TAF3: variants seen among roughly 807,000 people sequenced by gnomAD.
TAF3 encodes TATA-box binding protein associated factor 3.
Under a neutral mutation model 80.6 loss-of-function variants are expected in TAF3, and 7 were observed. The ratio of observed to expected loss-of-function variants is 0.09; its 90% CI spans 0.05 to 0.16. The LOEUF (loss-of-function observed/expected upper bound fraction) is 0.16, where lower values mean the gene tolerates loss of function less well. Among genes scored for constraint, TAF3 ranks in the 10% least tolerant of loss-of-function variants. The pLI, the probability that TAF3 is intolerant of heterozygous loss-of-function variation, is 1.00. For synonymous variants in TAF3, 444 were observed against 446.1 expected (o/e 1.00, Z 0.06); for missense variants, 921 against 1,140.2 (o/e 0.81, Z 2.77).
In TAF3 at chr10:8,013,856, C is replaced by T. The variant is rs1216145879; in HGVS notation, c.2675+19C>T. The stretch of plus-strand genomic sequence containing the variant: ...ACCACTGGTGAGTGCCCAGGGCGCC[C>T]TGCCGGCCACACTCATTAGGCAGCA... On this transcript the variant is annotated intron_variant, in intron 6 of 6. Transcript: ENST00000344293. 38 of 1,600,670 alleles carry T rather than the reference C, an allele frequency of 2.4e-5. No homozygotes were observed. Among genetic ancestry groups the T allele is most frequent in the Non-Finnish European group, 3.2e-5 (37 of 1,167,866 alleles).
chr10:7,910,353 A>G (rs1837646233), intron 2 of TAF3, among the ~76,000 whole-genome samples: 1 of 152,132 alleles, frequency 6.6e-6, no homozygotes, highest in Non-Finnish European at 1.5e-5. Flanking sequence ...GACTTTTGAA[A>G]TTATTTCTAC....
At chr10:8,008,181 C>G (rs1204462224) in intron 4 of TAF3, among the ~76,000 whole-genome samples, 4 of 148,428 alleles carry the variant, frequency 2.7e-5, no homozygotes. Flanking sequence ...ACTGTAACCT[C>G]TGCCTCCTGG....
At chr10:8,006,317 AGT>A (rs889226389) in intron 4 of TAF3, among the ~76,000 whole-genome samples, 5 of 151,924 alleles carry the variant, frequency 3.3e-5, no homozygotes, top group African/African-American at 7.2e-5. Context: ...CGGAGGTTGC[AGT>A]GAGTCAAGAC....
At chr10:7,945,959 A>G (rs1838020318) in intron 2 of TAF3, among the ~76,000 whole-genome samples, 1 of 152,148 alleles carries the variant, frequency 6.6e-6, no homozygotes, top group Non-Finnish European at 1.5e-5. Flanking sequence ...GCGGACACAG[A>G]TCTTAACAAA....
intron 4 of TAF3, among the ~76,000 whole-genome samples, chr10:7,980,007 C>T (rs1831711093): frequency 6.6e-6 from 1 of 152,072 alleles, no homozygotes; most frequent in Non-Finnish European, 1.5e-5. Flanking sequence ...CAGTGATCCT[C>T]CGTGGTTGTA....
intron 3 of TAF3, among the ~76,000 whole-genome samples, chr10:7,972,987 G>A (rs1831635431): frequency 1.3e-5 from 2 of 152,230 alleles, no homozygotes; most frequent in South Asian, 4.1e-4. Flanking sequence ...ATGTGCGTCA[G>A]AGAGTTAAGG....
At chr10:8,008,409 A>G (rs188037428) in intron 4 of TAF3, among the ~76,000 whole-genome samples, 47 of 152,292 alleles carry the variant, frequency 3.1e-4, no homozygotes, top group South Asian at 1.2e-3. Flanking sequence ...TGAACGGTCA[A>G]TCTTTAAAAC....
At chr10:8,008,730 C>G (rs907609679) in intron 4 of TAF3, among the ~76,000 whole-genome samples, 2 of 152,170 alleles carry the variant, frequency 1.3e-5, no homozygotes, top group African/African-American at 2.4e-5. Flanking sequence ...CCCGAGGACT[C>G]AGCAGAGGTG....
intron 4 of TAF3, among the ~76,000 whole-genome samples, chr10:7,991,198 CAT>C (rs895669250): frequency 6.6e-6 from 1 of 152,006 alleles, no homozygotes; most frequent in South Asian, 2.1e-4. Flanking sequence ...CACACACACA[CAT>C]ATACATACAT....
chr10:7,944,093 T>TTTTG (rs765780073), intron 2 of TAF3, among the ~76,000 whole-genome samples: 1 of 137,094 alleles, frequency 7.3e-6, no homozygotes, highest in Non-Finnish European at 1.6e-5. Context: ...ATGTTCATGC[T>TTTTG]TGTGTGTGTG....
intron 2 of TAF3, among the ~76,000 whole-genome samples, chr10:7,825,425 C>T (rs939787048): frequency 6.6e-6 from 1 of 152,198 alleles, no homozygotes; most frequent in African/African-American, 2.4e-5. Context: ...CCATCATCCC[C>T]ATCCTTCTCC....
chr10:7,863,692 C>T lies in TAF3; in HGVS notation c.409+39132C>T, dbSNP rs12412991. Among the ~76,000 whole-genome samples, 2 of 25,910 alleles carry T rather than the reference C, an allele frequency of 7.7e-5. 1 individual carries two copies. The highest frequency in any genetic ancestry group is 1.4e-4 in the Non-Finnish European group (2 of 13,882). The allele number at this position is 25,910 out of a possible 152,430, so 17.0% of individuals were successfully genotyped here. ...ACACACATATATATATATACACACACATATATATATATACACATATATATA... is the reference window on the plus strand; with the variant it reads ...ACACACATATATATATATACACACATATATATATATATACACATATATATA... On this transcript the variant is annotated intron_variant, in intron 2 of 6. Coordinates refer to ENST00000344293, the MANE Select transcript of TAF3 (RefSeq NM_031923.4).
Position 7,966,889 on chromosome 10 carries a change from G to A in TAF3, c.2232+1147G>A, listed in dbSNP as rs369626733. Among the ~76,000 whole-genome samples, 445 of 152,242 alleles carry A rather than the reference G, an allele frequency of 2.9e-3. 3 individuals are homozygous for A. Among genetic ancestry groups the A allele is most frequent in the African/African-American group, 9.7e-3 (403 of 41,532 alleles). On this transcript the variant is annotated intron_variant, in intron 3 of 6. Transcript: ENST00000344293. ...TATAAAAAAGTGAAATGGGAATTCT[G>A]ATATCAATAACTGAACATTGACAAG...
intron 2 of TAF3, among the ~76,000 whole-genome samples, chr10:7,936,135 G>C (rs1259531595): frequency 6.6e-6 from 1 of 152,138 alleles, no homozygotes; most frequent in Non-Finnish European, 1.5e-5. Flanking sequence ...TGAACCCAGG[G>C]GACAACAAGG....
intron 2 of TAF3, among the ~76,000 whole-genome samples, chr10:7,913,549 G>C (rs1018684651): frequency 4.6e-5 from 7 of 152,158 alleles, no homozygotes; most frequent in African/African-American, 1.7e-4. Flanking sequence ...CCTTTTGGAT[G>C]GGGAACTCAC....
intron 4 of TAF3, among the ~76,000 whole-genome samples, chr10:7,988,958 A>T (rs1831806970): frequency 6.6e-6 from 1 of 152,134 alleles, no homozygotes. Context: ...CTGTAAAAAA[A>T]ATGTGTGTCC....
chr10:8,007,776 G>A (rs980349367), intron 4 of TAF3, among the ~76,000 whole-genome samples: 1 of 151,622 alleles, frequency 6.6e-6, no homozygotes, highest in Admixed American at 6.6e-5. Flanking sequence ...CATAAGGACT[G>A]GATGAGATGA....
intron 2 of TAF3, among the ~76,000 whole-genome samples, chr10:7,894,780 A>G (rs1302288601): frequency 6.6e-6 from 1 of 152,164 alleles, no homozygotes; most frequent in Non-Finnish European, 1.5e-5. Context: ...GACTTTATTT[A>G]AATACAGGAT....
At chr10:8,011,625 G>A (rs962495427) in intron 5 of TAF3, among the ~76,000 whole-genome samples, 3 of 152,206 alleles carry the variant, frequency 2.0e-5, no homozygotes, top group African/African-American at 7.2e-5. Flanking sequence ...CTAAAAGTGT[G>A]ATCATCAAAT....
Sources: gnomAD v4.1 joint callset for allele counts (sites outside exome capture counted in the v4.1 genomes callset) on GRCh38, gnomAD v4.1.1 for gene constraint, MANE v1.5 for transcripts, NCBI Gene and HGNC (gene_info 2026-07-23, HGNC 2026-07-21) for gene names.